Variants in ZNF140 observed in about 807,000 individuals in gnomAD.
ZNF140 encodes the protein zinc finger protein 140 (clone pHZ-39).
Under a neutral mutation model 12.9 loss-of-function variants are expected in ZNF140, and 13 were observed. The ratio of observed to expected loss-of-function variants is 1.01; its 90% CI spans 0.66 to 1.60. The LOEUF (loss-of-function observed/expected upper bound fraction) is 1.60. Among genes scored for constraint, ZNF140 ranks in the 40% most tolerant of loss-of-function variants. ZNF140 has a pLI of 0.00. For synonymous variants in ZNF140, 214 were observed against 186.7 expected, an observed-to-expected ratio of 1.15 and a Z score of -1.19; for missense variants, 531 against 548.8, an observed-to-expected ratio of 0.97 and a Z score of 0.32.
At chr12:133,103,704 T>G (rs1955451305) in intron 4 of ZNF140, among the ~76,000 whole-genome samples, 2 of 152,212 alleles carry the variant, frequency 1.3e-5, no homozygotes, top group African/African-American at 4.8e-5. Context: ...ATCTCTGGTC[T>G]TTTATACAAT....
chr12:133,086,694 C>T lies in ZNF140; in HGVS notation c.232+3133C>T, dbSNP rs55690136. ...TCTTTTATGTTTAGTATTTTTTTAG[C>T]CTGTTTAAGAAATCTTTCCCTCCTA... On this transcript the variant is annotated intron_variant, in intron 4 of 4. Transcript: ENST00000355557. Among the ~76,000 whole-genome samples the T allele has an allele frequency of 9.3e-3, 1,407 of 151,960 alleles. 13 individuals are homozygous for T. Among genetic ancestry groups the T allele is most frequent in the Non-Finnish European group, 0.014 (962 of 67,978 alleles).
chr12:133,083,052 G>A (rs1328670510), intron 2 of ZNF140, 51 bp from the exon 3 acceptor site: 3 of 1,612,994 alleles, frequency 1.9e-6, no homozygotes, highest in Admixed American at 1.7e-5. Context: ...CTTGATGAGG[G>A]AGTTTGGGGG....
At chr12:133,087,718 G>A (rs1336981782) in intron 4 of ZNF140, among the ~76,000 whole-genome samples, 1 of 152,120 alleles carries the variant, frequency 6.6e-6, no homozygotes, top group Non-Finnish European at 1.5e-5. Context: ...AATTTTCTTT[G>A]TAGAATTGTT....
In ZNF140 at chr12:133,106,067, C is replaced by CAAAG. The variant is rs1955580963; in HGVS notation, c.793_796dup (p.Ile266LysfsTer12). The CAAAG allele has an allele frequency of 6.2e-7, 1 of 1,613,940 alleles. No homozygotes were observed. Among genetic ancestry groups the CAAAG allele is most frequent in the Admixed American group, 1.7e-5 (1 of 59,992 alleles). ...CCGTGCCTCCAACCTCACTCGACAT[C>CAAAG]AAAGAATTCACATAGGAAAGAAACA... is the stretch of plus-strand genomic sequence containing the variant. On this transcript the variant is annotated frameshift_variant, in exon 5 of 5. Coordinates refer to ENST00000355557, the MANE Select transcript of ZNF140 (RefSeq NM_003440.4). LOFTEE classifies it low-confidence loss of function (END_TRUNC).
chr12:133,097,819 A>ATGTGTGTGTGTGTGTGTGTGTGTGTG lies in ZNF140; in HGVS notation c.233-7685_233-7660dup, dbSNP rs71079166. 1.4e-3 allele frequency among the ~76,000 whole-genome samples: 205 copies of ATGTGTGTGTGTGTGTGTGTGTGTGTG among 143,240 alleles called. 2 individuals carry two copies. Among genetic ancestry groups the ATGTGTGTGTGTGTGTGTGTGTGTGTG allele is most frequent in the African/African-American group, 2.9e-3 (111 of 38,202 alleles). The allele number at this position is 143,240 out of a possible 152,430, so 94.0% of individuals were successfully genotyped here. A position where few individuals can be genotyped will look rare whatever the true frequency, so the allele number is the denominator to read the frequency against. On this transcript the variant is annotated intron_variant, in intron 4 of 4. Transcript: ENST00000355557. ...TATGCATGAGGCACCACATCTAACC[A>ATGTGTGTGTGTGTGTGTGTGTGTGTG]TGTGTGTGTGTGTGTGTGTGTGTGT...
At chr12:133,099,678 C>G (rs915095619) in intron 4 of ZNF140, among the ~76,000 whole-genome samples, 1 of 151,868 alleles carries the variant, frequency 6.6e-6, no homozygotes, top group East Asian at 1.9e-4. Flanking sequence ...AAAGCAAGAC[C>G]CTGTCTTTTA....
At chr12:133,089,882 A>G (rs1163465871) in intron 4 of ZNF140, among the ~76,000 whole-genome samples, 2 of 147,498 alleles carry the variant, frequency 1.4e-5, no homozygotes, top group Non-Finnish European at 3.0e-5. Flanking sequence ...CAGAGTTTCT[A>G]TCCTTTTGCC....
chr12:133,091,189 C>T (rs1427469198), intron 4 of ZNF140, among the ~76,000 whole-genome samples: 2 of 150,418 alleles, frequency 1.3e-5, no homozygotes, highest in African/African-American at 2.5e-5. Flanking sequence ...TTGGGAGAAA[C>T]CTTGGACAAT....
intron 4 of ZNF140, among the ~76,000 whole-genome samples, chr12:133,088,278 A>G (rs1316388718): frequency 6.6e-6 from 1 of 152,178 alleles, no homozygotes; most frequent in Non-Finnish European, 1.5e-5. Flanking sequence ...CTAATCACCC[A>G]TTCCCAACCC....
Position 133,106,693 on chromosome 12 carries a change from TA to T in ZNF140, c.*47del, listed in dbSNP as rs759194977. ...AAAACTATGAATGTATGGAATTTTT[TA>T]AAAAGAAGTATAATGCCTTACTTCA... On this transcript the variant is annotated 3_prime_UTR_variant, in exon 5 of 5. Coordinates refer to ENST00000355557, the MANE Select transcript of ZNF140 (RefSeq NM_003440.4). 56 of 1,498,162 alleles carry T rather than the reference TA, an allele frequency of 3.7e-5. No homozygotes were observed. The African/African-American group carries it at 7.7e-4, about 21-fold the overall frequency. The allele number at this position is 1,498,162 out of a possible 1,614,324, so 92.8% of individuals were successfully genotyped here. A position where few individuals can be genotyped will look rare whatever the true frequency, so the allele number is the denominator to read the frequency against.
chr12:133,084,378 A>G (rs1341215941), intron 4 of ZNF140, among the ~76,000 whole-genome samples: 3 of 152,232 alleles, frequency 2.0e-5, no homozygotes, highest in Admixed American at 2.0e-4. Flanking sequence ...AATCTTGTCA[A>G]ATCTTTCTCA....
intron 4 of ZNF140, chr12:133,084,029 C>CAT (rs1358379099): frequency 3.0e-6 from 1 of 328,262 alleles, no homozygotes; most frequent in Non-Finnish European, 5.8e-6. Flanking sequence ...AACACTACTT[C>CAT]ATACCCAATT....
At chr12:133,096,074 G>A (rs1391574477) in intron 4 of ZNF140, among the ~76,000 whole-genome samples, 1 of 151,472 alleles carries the variant, frequency 6.6e-6, no homozygotes, top group African/African-American at 2.4e-5. Flanking sequence ...GGATGGTCAG[G>A]TCTTTCTCAT....
At chr12:133,102,743 C>T (rs1376070584) in intron 4 of ZNF140, among the ~76,000 whole-genome samples, 2 of 125,908 alleles carry the variant, frequency 1.6e-5, no homozygotes, top group Non-Finnish European at 3.4e-5. Flanking sequence ...AGCGAGACTC[C>T]GTTTCTTAAA....
chr12:133,082,970 A>C, intron 2 of ZNF140, 133 bp from the exon 3 acceptor site: 1 of 1,357,260 alleles, frequency 7.4e-7, no homozygotes, highest in Non-Finnish European at 1.0e-6. Context: ...ATAATTACTC[A>C]GAATTCTGAA....
At chr12:133,089,502 C>A (rs1490198551) in intron 4 of ZNF140, among the ~76,000 whole-genome samples, 1 of 152,168 alleles carries the variant, frequency 6.6e-6, no homozygotes, top group Admixed American at 6.6e-5. Flanking sequence ...GTGTGAGCCA[C>A]CACACGCAGC....
intron 4 of ZNF140, among the ~76,000 whole-genome samples, chr12:133,095,990 T>C (rs996215333): frequency 0.011 from 1,591 of 151,322 alleles, 15 homozygotes; most frequent in African/African-American, 0.029. Flanking sequence ...GGCCTTCCTC[T>C]ATCTCAACTG....
Position 133,105,718 on chromosome 12 carries a change from C to T in ZNF140, c.441C>T (p.Ala147=), listed in dbSNP as rs1179168750. Reference sequence around the variant, plus strand: ...AAGTAACAGTCTCTCATCAAGAAGCCCTGGCTCAACATATGAATATCAGTA... The same window carrying T: ...AAGTAACAGTCTCTCATCAAGAAGCTCTGGCTCAACATATGAATATCAGTA... ...IRKVTVSHQE[A]LAQHMNISTV... The change falls in exon 5 of 5, where the codon GCC becomes GCT. Residue 147 remains alanine (A), a synonymous_variant. Transcript: ENST00000355557. 8 of 1,614,082 alleles carry T rather than the reference C, an allele frequency of 5.0e-6. No individual in the cohort carries two copies. In the Admixed American group the frequency reaches 1.3e-4, roughly 27 times the overall value.
chr12:133,101,203 G>A (rs1422751213), intron 4 of ZNF140: 1 of 230,784 alleles, frequency 4.3e-6, no homozygotes, highest in African/African-American at 2.3e-5. Flanking sequence ...CTGTGGTTTG[G>A]TTTATGACAT....
Sources: gnomAD v4.1 joint callset for allele counts (sites outside exome capture counted in the v4.1 genomes callset) on GRCh38, gnomAD v4.1.1 for gene constraint, MANE v1.5 for transcripts, NCBI Gene and HGNC (gene_info 2026-07-23, HGNC 2026-07-21) for gene names.